KYNU: variants seen among roughly 807,000 people sequenced by gnomAD.
KYNU encodes the protein L-kynurenine hydrolase.
Under a neutral mutation model 59.2 loss-of-function variants are expected in KYNU, and 54 were observed. The ratio of observed to expected loss-of-function variants is 0.91; its 90% CI spans 0.73 to 1.14. The LOEUF is 1.14. KYNU is among the 50% of genes most tolerant of loss of function. The pLI, the probability that KYNU is intolerant of heterozygous loss-of-function variation, is 0.00. For synonymous variants in KYNU, 177 were observed against 192.0 expected (o/e 0.92, Z 0.65); for missense variants, 567 against 554.4 (o/e 1.02, Z -0.23).
intron 4 of KYNU, among the ~76,000 whole-genome samples, chr2:142,932,689 G>A (rs1394642595): frequency 6.7e-6 from 1 of 149,232 alleles, no homozygotes; most frequent in Non-Finnish European, 1.5e-5. Flanking sequence ...GAGAGCTTGA[G>A]TGAGGGCAAT....
At chr2:142,987,064 T>C (rs1283566443) in intron 10 of KYNU, among the ~76,000 whole-genome samples, 1 of 151,922 alleles carries the variant, frequency 6.6e-6, no homozygotes, top group African/African-American at 2.4e-5. Context: ...CAACCAGACA[T>C]CTTACTTGAA....
chr2:142,992,594 T>G (rs1336310288), intron 10 of KYNU, among the ~76,000 whole-genome samples: 1 of 151,910 alleles, frequency 6.6e-6, no homozygotes, highest in African/African-American at 2.4e-5. Flanking sequence ...CATCAGATAT[T>G]AAGGACTTTG....
At position 142,984,938 on chromosome 2, in the gene KYNU, T is replaced by C. The variant is rs538663745; in HGVS notation, c.730-146T>C. 6 of 683,446 alleles carry C rather than the reference T, an allele frequency of 8.8e-6. 1 individual carries two copies. Among genetic ancestry groups the C allele is most frequent in the Non-Finnish European group, 1.6e-5 (6 of 369,884 alleles). The allele number at this position is 683,446 out of a possible 1,614,324, so 42.3% of individuals were successfully genotyped here. A position where few individuals can be genotyped will look rare whatever the true frequency, so the allele number is the denominator to read the frequency against. ...CCTTCTGAAAGGGTCCTGGGAATTA[T>C]GGATCATACTTTGTGAACCATTGCA... On this transcript the variant is annotated intron_variant, in intron 8 of 13. Coordinates refer to ENST00000264170, the MANE Select transcript of KYNU (RefSeq NM_003937.3).
At chr2:143,012,787 A>G (rs1168983433) in intron 10 of KYNU, among the ~76,000 whole-genome samples, 1 of 152,120 alleles carries the variant, frequency 6.6e-6, no homozygotes, top group Non-Finnish European at 1.5e-5. Context: ...CATGCTGTAC[A>G]TTGGAGTTCT....
At chr2:142,895,626 A>T (rs1681843885) in intron 2 of KYNU, among the ~76,000 whole-genome samples, 4 of 150,462 alleles carry the variant, frequency 2.7e-5, no homozygotes, top group Admixed American at 1.3e-4. Context: ...TTTTATCTAA[A>T]TTTTTTTTTT....
chr2:142,985,142 A>T lies in KYNU; in HGVS notation c.788A>T (p.His263Leu). The T allele has an allele frequency of 6.2e-7, 1 of 1,611,472 alleles. No homozygotes were observed. Among genetic ancestry groups the T allele is most frequent in the Non-Finnish European group, 8.5e-7 (1 of 1,178,084 alleles). The part of the protein sequence containing the change: ...HAVGNVELYL[H>L]DWGVDFACWC... ...GTTGGAAATGTTGAACTCTACTTAC[A>T]TGACTGGGGAGTTGATTTTGCCTGC... The change falls in exon 9 of 14, where the codon CAT becomes CTT. Residue 263 changes from histidine to leucine, a missense_variant. By Grantham distance (99) the His-to-Leu change is moderately conservative. Transcript: ENST00000264170.
intron 2 of KYNU, among the ~76,000 whole-genome samples, chr2:142,913,871 C>T (rs187295623): frequency 6.6e-6 from 1 of 152,336 alleles, no homozygotes; most frequent in African/African-American, 2.4e-5. Flanking sequence ...AATCTGGGTG[C>T]TCCAGTGTTT....
chr2:142,905,974 CTATT>C (rs149291759), intron 2 of KYNU, among the ~76,000 whole-genome samples: 4,931 of 152,154 alleles, frequency 0.032, 254 homozygotes, highest in African/African-American at 0.11. Context: ...TTCTATCTTT[CTATT>C]TCTTTCTCTC....
intron 3 of KYNU, among the ~76,000 whole-genome samples, chr2:142,921,855 TACA>T (rs1682895806): frequency 6.8e-6 from 1 of 146,194 alleles, no homozygotes; most frequent in African/African-American, 2.6e-5. Context: ...CATACATACA[TACA>T]TGTAGTCTTC....
In KYNU at chr2:142,933,927, T is replaced by C. The variant is rs117274035; in HGVS notation, c.373+6186T>C. Among the ~76,000 whole-genome samples, 149 of 152,026 alleles carry C rather than the reference T, an allele frequency of 9.8e-4. 2 individuals carry two copies. In the East Asian group the frequency reaches 0.025, roughly 25 times the overall value. ...TTTTGGGAATCAAGGTGTAAAGGAATTGTGGGGAAAAAAAAGCATCTTTTA... is the reference window on the plus strand; with the variant it reads ...TTTTGGGAATCAAGGTGTAAAGGAACTGTGGGGAAAAAAAAGCATCTTTTA... On this transcript the variant is annotated intron_variant, in intron 4 of 13. Coordinates refer to ENST00000264170, the MANE Select transcript of KYNU (RefSeq NM_003937.3).
chr2:142,959,169 A>C (rs351680), intron 7 of KYNU, among the ~76,000 whole-genome samples: 4,170 of 152,244 alleles, frequency 0.027, 183 homozygotes, highest in Admixed American at 0.11. Context: ...GAGCAGAGTA[A>C]TTGGCAAATA....
chr2:143,029,553 T>C, intron 10 of KYNU, 74 bp from the exon 11 acceptor site: 1 of 925,898 alleles, frequency 1.1e-6, no homozygotes. Context: ...GCCACTGCAC[T>C]CCAGCCTAGG....
intron 1 of KYNU, among the ~76,000 whole-genome samples, chr2:142,882,599 G>A (rs1462268573): frequency 2.6e-5 from 4 of 152,178 alleles, no homozygotes; most frequent in African/African-American, 7.2e-5. Flanking sequence ...CTGTCCTTGC[G>A]ATAGTTTGCT....
chr2:143,005,880 T>C (rs534679117), intron 10 of KYNU, among the ~76,000 whole-genome samples: 1 of 152,254 alleles, frequency 6.6e-6, no homozygotes, highest in East Asian at 1.9e-4. Flanking sequence ...TGCTGCAGTC[T>C]AAAGCTACAA....
chr2:143,036,015 C>G (rs1686884270), intron 12 of KYNU, among the ~76,000 whole-genome samples: 1 of 151,926 alleles, frequency 6.6e-6, no homozygotes, highest in African/African-American at 2.4e-5. Context: ...TGCAAGTGGT[C>G]CTCCTGAGTA....
At chr2:142,964,738 C>T (rs931698566) in intron 8 of KYNU, 4 of 152,138 alleles carry the variant, frequency 2.6e-5, no homozygotes, top group African/African-American at 7.2e-5. Context: ...ATAAAAAGAA[C>T]AATTGATAAT....
intron 10 of KYNU, among the ~76,000 whole-genome samples, chr2:143,019,395 A>G (rs1302793085): frequency 6.6e-6 from 1 of 152,130 alleles, no homozygotes; most frequent in Non-Finnish European, 1.5e-5. Context: ...AAATTATCAT[A>G]AGGTTTTTGT....
chr2:142,989,963 T>G (rs138841531), intron 10 of KYNU: 8 of 152,006 alleles, frequency 5.3e-5, no homozygotes, highest in African/African-American at 1.9e-4. Flanking sequence ...TAAATATGCA[T>G]TTTGGACATT....
intron 10 of KYNU, among the ~76,000 whole-genome samples, chr2:143,002,466 C>T (rs2105187624): frequency 6.6e-6 from 1 of 152,194 alleles, no homozygotes; most frequent in East Asian, 1.9e-4. Context: ...TTATTATTTC[C>T]TCCTGTGATA....
Sources: allele counts gnomAD v4.1 joint callset (sites outside exome capture counted in the v4.1 genomes callset), GRCh38; gene constraint gnomAD v4.1.1; transcripts MANE v1.5; gene names NCBI Gene and HGNC (gene_info 2026-07-23, HGNC 2026-07-21).